MAST4: variants seen among roughly 807,000 people sequenced by gnomAD.
MAST4 encodes microtubule associated serine/threonine kinase family member 4, also known as microtubule-associated serine/threonine-protein kinase 4.
In MAST4, 89 loss-of-function variants were observed where a neutral mutation model predicts 162.7. The observed-to-expected ratio is 0.55, with a 90% CI of 0.46 to 0.65. The LOEUF is 0.65. MAST4 is among the 30% of genes least tolerant of loss of function. The probability of loss-of-function intolerance (pLI) is 0.00; values close to 1 mark genes in which losing one functional copy is unlikely to be tolerated. For missense variants in MAST4, 3,153 were observed against 3,374.0 expected, an observed-to-expected ratio of 0.93 and a Z score of 1.62; for synonymous variants, 1,479 against 1,361.1, an observed-to-expected ratio of 1.09 and a Z score of -1.91.
At chr5:66,996,769 T>C (rs1750698141) in intron 4 of MAST4, among the ~76,000 whole-genome samples, 2 of 152,182 alleles carry the variant, frequency 1.3e-5, no homozygotes, top group South Asian at 2.1e-4. Flanking sequence ...CTCACTTTCA[T>C]AGAGACACTT....
At chr5:66,917,149 C>A in intron 4 of MAST4, 2 of 623,488 alleles carry the variant, frequency 3.2e-6, no homozygotes, top group Admixed American at 2.5e-5. Context: ...TCTTTCCAAT[C>A]TTATTACCCC....
chr5:66,970,561 A>G (rs973514057), intron 4 of MAST4, among the ~76,000 whole-genome samples: 2 of 152,182 alleles, frequency 1.3e-5, no homozygotes, highest in African/African-American at 4.8e-5. Flanking sequence ...CCAGGCCCAG[A>G]CAGCCATTCC....
intron 4 of MAST4, among the ~76,000 whole-genome samples, chr5:66,942,022 T>C (rs1207865453): frequency 6.6e-6 from 1 of 152,102 alleles, no homozygotes; most frequent in Non-Finnish European, 1.5e-5. Context: ...CAAAGATCAT[T>C]GATCATAGAT....
intron 1 of MAST4, among the ~76,000 whole-genome samples, chr5:66,692,126 C>T (rs1290744993): frequency 3.3e-5 from 5 of 152,100 alleles, no homozygotes; most frequent in African/African-American, 7.2e-5. Context: ...ATGCTTCTTG[C>T]GTTTTTGCAC....
intron 18 of MAST4, among the ~76,000 whole-genome samples, chr5:67,135,734 C>G (rs62369374): frequency 0.017 from 2,626 of 152,320 alleles, 39 homozygotes; most frequent in Non-Finnish European, 0.021. Context: ...TTAATTAACA[C>G]AAGCAGCAAA....
At chr5:66,750,288 G>A (rs1028723492) in intron 1 of MAST4, among the ~76,000 whole-genome samples, 5 of 152,190 alleles carry the variant, frequency 3.3e-5, no homozygotes, top group Non-Finnish European at 7.3e-5. Context: ...TGTGCTGAGG[G>A]AGGAGCCAAG....
At chr5:66,887,580 T>C (rs1196285212) in intron 3 of MAST4, among the ~76,000 whole-genome samples, 1 of 152,184 alleles carries the variant, frequency 6.6e-6, no homozygotes, top group Non-Finnish European at 1.5e-5. Flanking sequence ...ACTTTTGTCT[T>C]TGCTTGTCTG....
intron 1 of MAST4, among the ~76,000 whole-genome samples, chr5:66,638,449 A>G (rs1322275905): frequency 1.3e-5 from 2 of 152,178 alleles, no homozygotes; most frequent in African/African-American, 4.8e-5. Flanking sequence ...AGTATCCCTT[A>G]TCTGAAATTC....
chr5:66,972,504 A>G (rs1747567762), intron 4 of MAST4, among the ~76,000 whole-genome samples: 1 of 152,304 alleles, frequency 6.6e-6, no homozygotes, highest in Non-Finnish European at 1.5e-5. Context: ...GCCACCTGTA[A>G]TTCTTCCCTT....
At chr5:66,808,202 C>T (rs1756298969) in intron 3 of MAST4, among the ~76,000 whole-genome samples, 1 of 152,194 alleles carries the variant, frequency 6.6e-6, no homozygotes, top group African/African-American at 2.4e-5. Flanking sequence ...CATTGCTTTA[C>T]ACCGCAGCCT....
chr5:66,890,674 A>G (rs760809597), intron 3 of MAST4, among the ~76,000 whole-genome samples: 7 of 152,212 alleles, frequency 4.6e-5, no homozygotes, highest in Non-Finnish European at 1.0e-4. Flanking sequence ...GTTACCAACT[A>G]TGAATGCAGC....
In MAST4 at chr5:66,835,842, A is replaced by C. The variant is rs542014903; in HGVS notation, c.642+47048A>C. On this transcript the variant is annotated intron_variant, in intron 3 of 28. Transcript: ENST00000403625. ...ACATGGAGATTCAGAGTCGTCAAGA[A>C]ACTTAACACAAAATTGCCTTCATTG... 6.8e-4 allele frequency among the ~76,000 whole-genome samples: 103 copies of C among 152,308 alleles called. No homozygotes were observed. In the Middle Eastern group the frequency reaches 0.017, roughly 25 times the overall value.
chr5:66,782,471 A>G (rs1403146162), intron 2 of MAST4, among the ~76,000 whole-genome samples: 3 of 152,298 alleles, frequency 2.0e-5, no homozygotes, highest in Middle Eastern at 6.8e-3. Context: ...AAAACAGCAA[A>G]AATAACCAGT....
chr5:66,967,884 C>A (rs1285716808), intron 4 of MAST4, among the ~76,000 whole-genome samples: 2 of 152,010 alleles, frequency 1.3e-5, no homozygotes, highest in South Asian at 4.2e-4. Flanking sequence ...CTGAGGCAAC[C>A]ATAACCACTC....
At chr5:66,734,094 A>C (rs1327889438) in intron 1 of MAST4, among the ~76,000 whole-genome samples, 1 of 152,110 alleles carries the variant, frequency 6.6e-6, no homozygotes, top group East Asian at 1.9e-4. Flanking sequence ...TTATGGCTCA[A>C]ACTTTGCTTT....
chr5:67,161,920 C>T (rs1056386063), intron 27 of MAST4, among the ~76,000 whole-genome samples: 14 of 152,206 alleles, frequency 9.2e-5, no homozygotes, highest in Admixed American at 4.6e-4. Flanking sequence ...GGTAAAAGAA[C>T]TTTGCACAGC....
chr5:67,161,892 C>T (rs182492992), intron 27 of MAST4, among the ~76,000 whole-genome samples: 1 of 152,268 alleles, frequency 6.6e-6, no homozygotes, highest in East Asian at 1.9e-4. Flanking sequence ...TTAGATCTTA[C>T]CATATATAGG....
chr5:66,970,537 G>GA (rs1196342945), intron 4 of MAST4, among the ~76,000 whole-genome samples: 1 of 152,172 alleles, frequency 6.6e-6, no homozygotes, highest in Non-Finnish European at 1.5e-5. Context: ...TCCATGTATA[G>GA]ACACCTACAT....
chr5:67,046,545 A>G (rs919854724), intron 4 of MAST4, among the ~76,000 whole-genome samples: 2 of 152,190 alleles, frequency 1.3e-5, no homozygotes, highest in Admixed American at 1.3e-4. Context: ...CTCACACAGT[A>G]CTTTGTACAT....
Sources: allele counts gnomAD v4.1 joint callset (sites outside exome capture counted in the v4.1 genomes callset), GRCh38; gene constraint gnomAD v4.1.1; transcripts MANE v1.5; gene names NCBI Gene and HGNC (gene_info 2026-07-23, HGNC 2026-07-21).